The following TMEM39A variants were observed in gnomAD, a reference collection of about 807,000 sequenced individuals.
The protein encoded by TMEM39A is transmembrane protein 39A, also known as suppressor of SQST-1 aggregates in rpl-43 mutants.
In TMEM39A, 19 loss-of-function variants were observed where a neutral mutation model predicts 51.9. That is an observed-to-expected ratio of 0.37 (90% CI 0.26 to 0.54). The LOEUF (loss-of-function observed/expected upper bound fraction) is 0.54, where lower values mean the gene tolerates loss of function less well. TMEM39A is among the 20% of genes least tolerant of loss of function. TMEM39A has a pLI of 0.88. For missense variants in TMEM39A, 433 were observed against 590.5 expected, an observed-to-expected ratio of 0.73 and a Z score of 2.76; for synonymous variants, 197 against 220.2, an observed-to-expected ratio of 0.89 and a Z score of 0.93.
intron 2 of TMEM39A, among the ~76,000 whole-genome samples, chr3:119,461,601 G>A (rs1469935473): frequency 1.3e-5 from 2 of 152,134 alleles, no homozygotes; most frequent in Non-Finnish European, 2.9e-5. Flanking sequence ...AATCCTTGAT[G>A]GAATTTGACT....
At chr3:119,458,341 G>T in intron 2 of TMEM39A, 101 bp from the exon 3 acceptor site, 1 of 951,532 alleles carries the variant, frequency 1.1e-6, no homozygotes, top group Non-Finnish European at 1.6e-6. Context: ...TTCACTGTCT[G>T]CTTTCCCCAC....
intron 4 of TMEM39A, among the ~76,000 whole-genome samples, chr3:119,448,860 C>T (rs898678943): frequency 5.3e-5 from 8 of 152,226 alleles, no homozygotes; most frequent in African/African-American, 1.9e-4. Flanking sequence ...AGCCCCAAGC[C>T]GCTAATCACT....
intron 8 of TMEM39A, among the ~76,000 whole-genome samples, chr3:119,434,327 G>T (rs540268535): frequency 1.3e-5 from 2 of 152,030 alleles, no homozygotes; most frequent in Admixed American, 6.6e-5. Context: ...CCTTTGTAAA[G>T]AAACAATATA....
chr3:119,452,583 T>A, intron 3 of TMEM39A, 53 bp from the exon 4 acceptor site: 1 of 1,403,338 alleles, frequency 7.1e-7, no homozygotes, highest in Non-Finnish European at 1.0e-6. Context: ...TGTATTCAGC[T>A]GGCACTACTA....
chr3:119,434,924 C>T (rs778488946), intron 7 of TMEM39A, 42 bp from the exon 8 acceptor site: 2 of 1,598,026 alleles, frequency 1.3e-6, no homozygotes, highest in African/African-American at 1.3e-5. Flanking sequence ...TTGGCAATTA[C>T]AGATAAGATA....
chr3:119,432,177 A>T lies in TMEM39A; in HGVS notation c.1271T>A (p.Leu424His). 1 of 1,612,768 alleles carries T rather than the reference A, an allele frequency of 6.2e-7. No individual in the cohort carries two copies. The highest frequency in any genetic ancestry group is 8.5e-7 in the Non-Finnish European group (1 of 1,179,156). ...FHRPLRLLNLLILIEGSVVFY... is the reference protein window; with the variant it reads ...FHRPLRLLNLHILIEGSVVFY... ...GACGACACTGCCCTCAATAAGGATG[A>T]GCAGATTTAACAGCCTTAATGGTCG... is the stretch of plus-strand genomic sequence containing the variant. The change falls in exon 9 of 9, where the codon CTC becomes CAC. Residue 424 changes from leucine to histidine, a missense_variant. Physicochemically the swap from Leu to His is moderately conservative, Grantham distance 99. Coordinates refer to ENST00000319172, the MANE Select transcript of TMEM39A (RefSeq NM_018266.3).
At position 119,458,135 on chromosome 3, in the gene TMEM39A, T is replaced by A. The variant is rs750937246; in HGVS notation, c.219A>T (p.Leu73=). Residue 73 remains leucine, a synonymous_variant, in exon 3 of 9, where the codon CTA becomes CTT. Transcript: ENST00000319172. ...QIPDLPVDGS[L]LFEFLFFIYL... Reference sequence around the variant, plus strand: ...AGATGAAAAAAAGGAATTCAAAGAGTAGGCTCCCATCCACAGGCAAGTCAG... The same window carrying A: ...AGATGAAAAAAAGGAATTCAAAGAGAAGGCTCCCATCCACAGGCAAGTCAG... The A allele has an allele frequency of 4.3e-6, 7 of 1,613,628 alleles. No individual in the cohort carries two copies. The highest frequency in any genetic ancestry group is 5.9e-6 in the Non-Finnish European group (7 of 1,179,896).
intron 8 of TMEM39A, among the ~76,000 whole-genome samples, chr3:119,433,163 C>T (rs970342242): frequency 2.6e-5 from 4 of 152,206 alleles, no homozygotes. Flanking sequence ...GAGCTTACAC[C>T]TCAGAATGAA....
chr3:119,449,003 A>G (rs532513755), intron 4 of TMEM39A, among the ~76,000 whole-genome samples: 1 of 152,200 alleles, frequency 6.6e-6, no homozygotes, highest in African/African-American at 2.4e-5. Flanking sequence ...CATTTTTTTA[A>G]TTGTAATGAG....
In TMEM39A at chr3:119,442,592, C is replaced by T. The variant is rs186021536; in HGVS notation, c.575+4426G>A. On this transcript the variant is annotated intron_variant, in intron 5 of 8. Coordinates refer to ENST00000319172, the MANE Select transcript of TMEM39A (RefSeq NM_018266.3). ...TGAAAACCATCTGGAAACAATTCAC[C>T]ATGCTAAATGCCATTGAGAACATTT... 2.6e-5 allele frequency among the ~76,000 whole-genome samples: 4 copies of T among 152,280 alleles called. No individual in the cohort carries two copies. The East Asian group carries it at 7.7e-4, about 29-fold the overall frequency.
intron 3 of TMEM39A, 99 bp downstream of exon 3, chr3:119,457,919 A>G (rs1004730635): frequency 2.2e-6 from 2 of 889,074 alleles, no homozygotes; most frequent in African/African-American, 1.7e-5. Flanking sequence ...CATTTTATTA[A>G]AAGAAAAATT....
chr3:119,439,864 C>T lies in TMEM39A; in HGVS notation c.576-1761G>A, dbSNP rs550467917. On this transcript the variant is annotated intron_variant, in intron 5 of 8. Transcript: ENST00000319172. ...CTCACTGAAGCCTCAACTTCTTGGGCTCACGCAATTCTCCCGCCTCAGCCT... is the reference window on the plus strand; with the variant it reads ...CTCACTGAAGCCTCAACTTCTTGGGTTCACGCAATTCTCCCGCCTCAGCCT... 3.3e-5 allele frequency among the ~76,000 whole-genome samples: 5 copies of T among 152,054 alleles called. No homozygotes were observed. The East Asian group carries it at 5.8e-4, about 18-fold the overall frequency.
Position 119,432,176 on chromosome 3 carries a change from G to A in TMEM39A, c.1272C>T (p.Leu424=). ...FHRPLRLLNL[L]ILIEGSVVFY... is the part of the protein sequence containing the mutation. ...AGACGACACTGCCCTCAATAAGGATGAGCAGATTTAACAGCCTTAATGGTC... is the reference window on the plus strand; with the variant it reads ...AGACGACACTGCCCTCAATAAGGATAAGCAGATTTAACAGCCTTAATGGTC... Residue 424 remains leucine, a synonymous_variant, in exon 9 of 9, where the codon CTC becomes CTT. Coordinates refer to ENST00000319172, the MANE Select transcript of TMEM39A (RefSeq NM_018266.3). The A allele has an allele frequency of 6.2e-7, 1 of 1,612,740 alleles. No homozygotes were observed. The highest frequency in any genetic ancestry group is 1.7e-5 in the Admixed American group (1 of 59,852).
rs1021558336 is a variant in TMEM39A, at chr3:119,463,483, A to C, written c.-222T>G. The C allele has an allele frequency of 7.5e-6, 3 of 398,352 alleles. No homozygotes were observed. Among genetic ancestry groups the C allele is most frequent in the Admixed American group, 4.4e-5 (1 of 22,746 alleles). The allele number at this position is 398,352 out of a possible 1,614,324, so 24.7% of individuals were successfully genotyped here. A position where few individuals can be genotyped will look rare whatever the true frequency, so the allele number is the denominator to read the frequency against. ...GCAGGCAGCCCCCGCCTAGAGAATCAAGAAAAGGTGTCCAGGCTTCGGGCT... is the reference window on the plus strand; with the variant it reads ...GCAGGCAGCCCCCGCCTAGAGAATCCAGAAAAGGTGTCCAGGCTTCGGGCT... On this transcript the variant is annotated 5_prime_UTR_variant, in exon 1 of 9. Coordinates refer to ENST00000319172, the MANE Select transcript of TMEM39A (RefSeq NM_018266.3).
intron 5 of TMEM39A, among the ~76,000 whole-genome samples, chr3:119,441,375 A>G (rs2081051323): frequency 6.7e-6 from 1 of 149,420 alleles, no homozygotes; most frequent in Non-Finnish European, 1.5e-5. Context: ...TCCAGTGAAC[A>G]TACAAATGGT....
intron 2 of TMEM39A, among the ~76,000 whole-genome samples, chr3:119,458,860 A>G (rs1358872956): frequency 6.6e-6 from 1 of 152,184 alleles, no homozygotes; most frequent in Admixed American, 6.5e-5. Flanking sequence ...GCACCATTGC[A>G]CTACAGCCTG....
In TMEM39A at chr3:119,447,058, G is replaced by C; in HGVS notation, c.535C>G (p.Arg179Gly). ...AGGAGATTGAGGACTGAATGGCTTCGAAAGAGATTGACGAGGGTCCAACAA... is the reference window on the plus strand; with the variant it reads ...AGGAGATTGAGGACTGAATGGCTTCCAAAGAGATTGACGAGGGTCCAACAA... ...VLCWTLVNLF[R>G]SHSVLNLLFL... The change falls in exon 5 of 9, where the codon CGA (arginine) becomes GGA (glycine). Residue 179 changes from arginine to glycine, a missense_variant. Coordinates refer to ENST00000319172, the MANE Select transcript of TMEM39A (RefSeq NM_018266.3). 2 of 1,614,116 alleles carry C rather than the reference G, an allele frequency of 1.2e-6. No individual in the cohort carries two copies.
chr3:119,460,079 A>T (rs2081318520), intron 2 of TMEM39A, among the ~76,000 whole-genome samples: 2 of 152,174 alleles, frequency 1.3e-5, no homozygotes, highest in South Asian at 4.1e-4. Context: ...CTAGGTAAAC[A>T]TGTCACAAAT....
At chr3:119,440,015 G>T (rs866456178) in intron 5 of TMEM39A, among the ~76,000 whole-genome samples, 1 of 152,144 alleles carries the variant, frequency 6.6e-6, no homozygotes, top group African/African-American at 2.4e-5. Flanking sequence ...TGATCCTACC[G>T]CCTGGGCCTT....
Sources: gnomAD v4.1 joint callset for allele counts (sites outside exome capture counted in the v4.1 genomes callset) on GRCh38, gnomAD v4.1.1 for gene constraint, MANE v1.5 for transcripts, NCBI Gene and HGNC (gene_info 2026-07-23, HGNC 2026-07-21) for gene names.